MLLT1: variants seen among roughly 807,000 people sequenced by gnomAD.
MLLT1 encodes the protein MLLT1 super elongation complex subunit.
A neutral mutation model predicts 55.1 loss-of-function variants in MLLT1; 11 were observed. That is an observed-to-expected ratio of 0.20 (90% CI 0.13 to 0.33). MLLT1 has a LOEUF of 0.33. Among genes scored for constraint, MLLT1 ranks in the 10% least tolerant of loss-of-function variants. The probability of loss-of-function intolerance (pLI) is 1.00; values close to 1 mark genes in which losing one functional copy is unlikely to be tolerated. For synonymous variants in MLLT1, 323 were observed against 320.1 expected (o/e 1.01, Z -0.10); for missense variants, 536 against 760.6 (o/e 0.70, Z 3.47).
At chr19:6,260,673 T>C (rs943492320) in intron 3 of MLLT1, among the ~76,000 whole-genome samples, 17 of 152,234 alleles carry the variant, frequency 1.1e-4, no homozygotes, top group Non-Finnish European at 2.5e-4. Context: ...CAGACAGGTG[T>C]CTGGGAACAC....
intron 3 of MLLT1, among the ~76,000 whole-genome samples, chr19:6,260,901 ACCTTAATCTAAGTCACCCCAGAGGC>A (rs1405076697): frequency 1.3e-5 from 2 of 152,246 alleles, no homozygotes; most frequent in Non-Finnish European, 2.9e-5. Context: ...ACCTCAGAGG[ACCTTAATCTAAGTCACCCCAGAGGC>A]GAGTTTAAAC....
chr19:6,250,109 C>A (rs2091200561), intron 3 of MLLT1, among the ~76,000 whole-genome samples: 1 of 152,048 alleles, frequency 6.6e-6, no homozygotes, highest in Admixed American at 6.6e-5. Context: ...CTTGAATAGA[C>A]GTATCTTCAA....
rs1005480608 is a variant in MLLT1, at chr19:6,256,191, T to C, written c.276+6037A>G. 2.9e-4 allele frequency among the ~76,000 whole-genome samples: 43 copies of C among 150,424 alleles called. No homozygotes were observed. Among genetic ancestry groups the C allele is most frequent in the African/African-American group, 8.9e-4 (36 of 40,500 alleles). ...AGGATCGTGCCACTGCACTCCAGCC[T>C]GGACAAGAGCGAAACTCTGTCTCAA... On this transcript the variant is annotated intron_variant, in intron 3 of 11. Coordinates refer to ENST00000252674, the MANE Select transcript of MLLT1 (RefSeq NM_005934.4). This position sits in a 1 kb window ranked among gnomAD's most constrained non-coding sequence, Gnocchi z 4.1.
intron 3 of MLLT1, among the ~76,000 whole-genome samples, chr19:6,251,138 G>C (rs757639996): frequency 6.6e-6 from 1 of 152,120 alleles, no homozygotes; most frequent in East Asian, 1.9e-4. Flanking sequence ...GTTTCCTTCC[G>C]GGGTGATGAA....
At chr19:6,266,298 G>C (rs1600216387) in intron 2 of MLLT1, among the ~76,000 whole-genome samples, 1 of 129,692 alleles carries the variant, frequency 7.7e-6, no homozygotes, top group Middle Eastern at 4.3e-3. Context: ...AAAAAAAAAA[G>C]TTTTGGATTT....
chr19:6,251,428 T>C (rs952770896), intron 3 of MLLT1, among the ~76,000 whole-genome samples: 7 of 152,198 alleles, frequency 4.6e-5, no homozygotes, highest in African/African-American at 1.7e-4. Context: ...GCTACCTCCA[T>C]GCTAGACGCC....
At chr19:6,228,710 G>A (rs958441419) in intron 4 of MLLT1, among the ~76,000 whole-genome samples, 2 of 152,128 alleles carry the variant, frequency 1.3e-5, no homozygotes, top group Admixed American at 6.5e-5. Flanking sequence ...GCCTGGTCCC[G>A]GGAAGCCCCG....
chr19:6,223,990 G>A (rs2090930479), intron 5 of MLLT1, among the ~76,000 whole-genome samples: 1 of 152,186 alleles, frequency 6.6e-6, no homozygotes, highest in South Asian at 2.1e-4. Flanking sequence ...AGGGGCTCCG[G>A]GAGCAGTGAG....
chr19:6,272,612 C>T (rs538749929), intron 1 of MLLT1, among the ~76,000 whole-genome samples: 41 of 152,372 alleles, frequency 2.7e-4, no homozygotes, highest in Admixed American at 1.5e-3. Context: ...ACGCAGCCCC[C>T]AGGGCCCCTG....
At chr19:6,275,873 T>A (rs749223614) in intron 1 of MLLT1, among the ~76,000 whole-genome samples, 4 of 152,186 alleles carry the variant, frequency 2.6e-5, no homozygotes, top group Non-Finnish European at 4.4e-5. Context: ...AGGGGAGGCC[T>A]GGGACAGAGT....
In MLLT1 at chr19:6,220,963, C is replaced by G. The variant is rs559569033; in HGVS notation, c.1110+1158G>C. ...CAGCCACTGCCAAGCCATGGGAGCACCGGGCACTCAGCCTTGCCAGCCCAT... is the reference window on the plus strand; with the variant it reads ...CAGCCACTGCCAAGCCATGGGAGCAGCGGGCACTCAGCCTTGCCAGCCCAT... On this transcript the variant is annotated intron_variant, in intron 6 of 11. Transcript: ENST00000252674. Among the ~76,000 whole-genome samples, 20 of 152,324 alleles carry G rather than the reference C, an allele frequency of 1.3e-4. No individual in the cohort carries two copies. The East Asian group carries it at 1.7e-3, about 13-fold the overall frequency.
rs2233198 is a variant in MLLT1 at position 6,213,093 on chromosome 19, G to A, written c.1629C>T (p.Asp543=). ...TTFDFDLFSL[D]ETTVRKLQSC... ...TCTGCAGTTTGCGCACGGTGGTCTCGTCCAGGGAGAAGAGGTCGAAGTCGA... is the reference window on the plus strand; with the variant it reads ...TCTGCAGTTTGCGCACGGTGGTCTCATCCAGGGAGAAGAGGTCGAAGTCGA... Residue 543 remains aspartate, a synonymous_variant, in exon 12 of 12, where the codon GAC becomes GAT. Transcript: ENST00000252674. 3.4e-3 allele frequency: 5,492 copies of A among 1,613,964 alleles called. 69 individuals are homozygous for A. The African/African-American group carries it at 0.041, about 12-fold the overall frequency.
chr19:6,235,997 T>A lies in MLLT1; in HGVS notation c.277-5284A>T, dbSNP rs563937106. 1.1e-4 allele frequency among the ~76,000 whole-genome samples: 17 copies of A among 152,226 alleles called. No individual in the cohort carries two copies. Among genetic ancestry groups the A allele is most frequent in the African/African-American group, 4.1e-4 (17 of 41,558 alleles). ...TCTGTCCCAGCATCCCACTGACCCATGAACACCACACACAATGGGACTGTC... is the reference window on the plus strand; with the variant it reads ...TCTGTCCCAGCATCCCACTGACCCAAGAACACCACACACAATGGGACTGTC... On this transcript the variant is annotated intron_variant, in intron 3 of 11. Transcript: ENST00000252674. The surrounding 1 kb of genome is among the most constrained non-coding windows in gnomAD (Gnocchi z 5.5).
chr19:6,264,090 CACATT>C (rs1277777485), intron 2 of MLLT1, among the ~76,000 whole-genome samples: 2 of 152,078 alleles, frequency 1.3e-5, no homozygotes, highest in African/African-American at 4.8e-5. Flanking sequence ...GCTAACTGTA[CACATT>C]ACAAGAGTGA....
chr19:6,213,984 G>A lies in MLLT1; in HGVS notation c.1362C>T (p.Ser454=). Residue 454 remains serine, a synonymous_variant, in exon 9 of 12, where the codon AGC becomes AGT. Transcript: ENST00000252674. ...SDNSADSSLP[S]REPPPPQKPP... Reference sequence around the variant, plus strand: ...GCTTCTGGGGGGGTGGGGGCTCACGGCTGGGCAGGGAGGAGTCGGCGCTGT... The same window carrying A: ...GCTTCTGGGGGGGTGGGGGCTCACGACTGGGCAGGGAGGAGTCGGCGCTGT... 3 of 1,461,290 alleles carry A rather than the reference G, an allele frequency of 2.1e-6. No individual in the cohort carries two copies. The highest frequency in any genetic ancestry group is 2.7e-6 in the Non-Finnish European group (3 of 1,108,300). The allele number at this position is 1,461,290 out of a possible 1,614,324, so 90.5% of individuals were successfully genotyped here.
chr19:6,274,064 T>C (rs2144966561), intron 1 of MLLT1, among the ~76,000 whole-genome samples: 1 of 152,336 alleles, frequency 6.6e-6, no homozygotes, highest in East Asian at 1.9e-4. Flanking sequence ...ACTGATGCCC[T>C]GGGGGCTGGC....
At position 6,226,841 on chromosome 19, in the gene MLLT1, A is replaced by G. The variant is rs941354592; in HGVS notation, c.546+136T>C. Reference sequence around the variant, plus strand: ...GCAGTGCGCAGCGAGGGGTGTGCAGAGAGCTCAAAGAGGAAGACGCCAAGG... The same window carrying G: ...GCAGTGCGCAGCGAGGGGTGTGCAGGGAGCTCAAAGAGGAAGACGCCAAGG... On this transcript the variant is annotated intron_variant, in intron 5 of 11. Transcript: ENST00000252674. This position sits in a 1 kb window ranked among gnomAD's most constrained non-coding sequence, Gnocchi z 6.3. 1 of 570,438 alleles carries G rather than the reference A, an allele frequency of 1.8e-6. No homozygotes were observed. The highest frequency in any genetic ancestry group is 2.9e-6 in the Non-Finnish European group (1 of 346,166). 35.3% of individuals were successfully genotyped at this position (570,438 alleles called of 1,614,324 possible). A position where few individuals can be genotyped will look rare whatever the true frequency, so the allele number is the denominator to read the frequency against.
chr19:6,273,636 C>CT lies in MLLT1; in HGVS notation c.13-2878dup, dbSNP rs1201791047. 6.6e-6 allele frequency among the ~76,000 whole-genome samples: 1 copy of CT among 152,208 alleles called. No homozygotes were observed. Among genetic ancestry groups the CT allele is most frequent in the African/African-American group, 2.4e-5 (1 of 41,446 alleles). ...TATGCTTACACGCCTGCGCCTCTGCCTTTTTCGCTAGAAAACAGGAAGGCA... is the reference window on the plus strand; with the variant it reads ...TATGCTTACACGCCTGCGCCTCTGCCTTTTTTCGCTAGAAAACAGGAAGGCA... On this transcript the variant is annotated intron_variant, in intron 1 of 11. Coordinates refer to ENST00000252674, the MANE Select transcript of MLLT1 (RefSeq NM_005934.4). The surrounding 1 kb of genome is among the most constrained non-coding windows in gnomAD (Gnocchi z 4.3).
At chr19:6,260,281 A>G (rs544198324) in intron 3 of MLLT1, among the ~76,000 whole-genome samples, 2 of 152,172 alleles carry the variant, frequency 1.3e-5, no homozygotes, top group Non-Finnish European at 2.9e-5. Flanking sequence ...CCAGGATGCA[A>G]GGGTGGAGCT....
Sources: allele counts gnomAD v4.1 joint callset (sites outside exome capture counted in the v4.1 genomes callset), GRCh38; gene constraint gnomAD v4.1.1; non-coding constraint Gnocchi (gnomAD v3.1); transcripts MANE v1.5; gene names NCBI Gene and HGNC (gene_info 2026-07-23, HGNC 2026-07-21).